Variants in MLIP observed in about 807,000 individuals in gnomAD.
MLIP encodes muscular LMNA interacting protein.
MLIP carries 79 observed loss-of-function variants against 84.8 expected under a neutral mutation model. That is an observed-to-expected ratio of 0.93 (90% CI 0.78 to 1.12). The LOEUF is 1.12. Ranked by LOEUF, MLIP falls within the 50% of genes most tolerant of loss-of-function variation. The pLI, the probability that MLIP is intolerant of heterozygous loss-of-function variation, is 0.00. For synonymous variants in MLIP, 504 were observed against 463.0 expected (o/e 1.09, Z -1.14); for missense variants, 1,257 against 1,160.6 (o/e 1.08, Z -1.21).
intron 11 of MLIP, chr6:54,217,058 C>T: frequency 1.0e-6 from 1 of 985,386 alleles, no homozygotes; most frequent in Non-Finnish European, 1.2e-6. Context: ...AAAATAAATG[C>T]TGCATTTAAA....
intron 1 of MLIP, among the ~76,000 whole-genome samples, chr6:54,097,336 T>A (rs1234523176): frequency 2.0e-5 from 3 of 152,232 alleles, no homozygotes; most frequent in Non-Finnish European, 4.4e-5. Context: ...GAGGATGAGA[T>A]AAAGAAGGGC....
chr6:54,251,856 TATAA>T (rs1282923309), intron 12 of MLIP, among the ~76,000 whole-genome samples: 3 of 79,078 alleles, frequency 3.8e-5, no homozygotes, highest in African/African-American at 2.0e-4. Flanking sequence ...TAATATATAA[TATAA>T]ATATATATTA....
chr6:54,253,525 A>C (rs925398692), intron 12 of MLIP, among the ~76,000 whole-genome samples: 9 of 152,178 alleles, frequency 5.9e-5, no homozygotes, highest in Non-Finnish European at 1.0e-4. Context: ...TGTTTCACAA[A>C]AGCTAAAGCT....
intron 5 of MLIP, among the ~76,000 whole-genome samples, chr6:54,153,809 G>A (rs567381894): frequency 5.8e-4 from 81 of 138,550 alleles, no homozygotes; most frequent in African/African-American, 2.0e-3. Flanking sequence ...CCGAGATCGC[G>A]CCACTGCACT....
intron 11 of MLIP, among the ~76,000 whole-genome samples, chr6:54,209,977 C>T (rs1779311231): frequency 6.6e-6 from 1 of 151,238 alleles, no homozygotes; most frequent in East Asian, 1.9e-4. Flanking sequence ...TGTGTGAAAG[C>T]CTTTTTCTTC....
chr6:54,052,601 T>G (rs1220619939), intron 1 of MLIP, among the ~76,000 whole-genome samples: 1 of 152,186 alleles, frequency 6.6e-6, no homozygotes, highest in African/African-American at 2.4e-5. Flanking sequence ...TCACAATTGT[T>G]TATATAGTGT....
intron 1 of MLIP, chr6:54,032,240 A>G (rs1191798826): frequency 6.6e-6 from 1 of 152,212 alleles, no homozygotes; most frequent in African/African-American, 2.4e-5. Context: ...TTTAGTATCT[A>G]TTAGATATTT....
chr6:54,219,098 C>T (rs1244969003), intron 11 of MLIP, among the ~76,000 whole-genome samples: 5 of 151,360 alleles, frequency 3.3e-5, no homozygotes, highest in South Asian at 4.2e-4. Context: ...CCCAGCTACT[C>T]GGGAGGCTGA....
chr6:54,202,432 T>A (rs1179528139), intron 11 of MLIP, among the ~76,000 whole-genome samples, 199 bp downstream of exon 11: 1 of 151,100 alleles, frequency 6.6e-6, no homozygotes, highest in Non-Finnish European at 1.5e-5. Flanking sequence ...AGTTGCTAAA[T>A]AATTCAAGAA....
rs533617523 is a variant in MLIP at position 54,089,617 on chromosome 6, G to A, written c.64-31830G>A. ...TACCTGACCCTTTGAGCCTTTCAGC[G>A]ACAAGAATCAGAATCCATCTCAAAA... On this transcript the variant is annotated intron_variant, in intron 1 of 12. Transcript: ENST00000274897. 1.6e-4 allele frequency among the ~76,000 whole-genome samples: 25 copies of A among 152,110 alleles called. 1 individual carries two copies. The East Asian group carries it at 4.8e-3, about 29-fold the overall frequency.
intron 11 of MLIP, among the ~76,000 whole-genome samples, chr6:54,213,963 T>C (rs1308929867): frequency 6.6e-6 from 1 of 152,114 alleles, no homozygotes; most frequent in African/African-American, 2.4e-5. Context: ...CTGACTGCCA[T>C]AGAAATCAAG....
At chr6:54,232,721 T>G (rs1562088012) in intron 12 of MLIP, among the ~76,000 whole-genome samples, 1 of 152,248 alleles carries the variant, frequency 6.6e-6, no homozygotes, top group African/African-American at 2.4e-5. Context: ...TTAATGCCTT[T>G]AATTGCAAGA....
chr6:54,170,190 T>C lies in MLIP; in HGVS notation c.2544+618T>C, dbSNP rs532686956. On this transcript the variant is annotated intron_variant, in intron 9 of 13. Coordinates refer to ENST00000502396, the MANE Select transcript of MLIP (RefSeq NM_001281747.2). ...TATTTTCCATCATGTGGTCAACTTC[T>C]GCTTCTGACCAAACGTATTCTAGTA... Among the ~76,000 whole-genome samples, 4 of 151,896 alleles carry C rather than the reference T, an allele frequency of 2.6e-5. No homozygotes were observed. The East Asian group carries it at 5.8e-4, about 22-fold the overall frequency.
chr6:54,099,385 T>G (rs996782781), intron 1 of MLIP, among the ~76,000 whole-genome samples: 1 of 152,038 alleles, frequency 6.6e-6, no homozygotes, highest in Non-Finnish European at 1.5e-5. Flanking sequence ...ATGATTTTTT[T>G]TGTGTATCAA....
chr6:54,159,516 T>G (rs980155242), intron 5 of MLIP, among the ~76,000 whole-genome samples: 2 of 151,912 alleles, frequency 1.3e-5, no homozygotes, highest in Admixed American at 1.3e-4. Flanking sequence ...TGCAGTAGAG[T>G]CAACGCTTGC....
chr6:54,080,414 G>A (rs1039427905), intron 1 of MLIP, among the ~76,000 whole-genome samples: 5 of 151,834 alleles, frequency 3.3e-5, no homozygotes, highest in Non-Finnish European at 7.4e-5. Flanking sequence ...CAGAAAATGA[G>A]GTTGACAACT....
At chr6:54,230,456 G>C (rs1339913457) in intron 11 of MLIP, among the ~76,000 whole-genome samples, 1 of 152,026 alleles carries the variant, frequency 6.6e-6, no homozygotes, top group Non-Finnish European at 1.5e-5. Context: ...AAATAAACCT[G>C]GTACCCTTCA....
chr6:54,036,901 G>C (rs1196558491), intron 1 of MLIP, among the ~76,000 whole-genome samples: 5 of 152,046 alleles, frequency 3.3e-5, no homozygotes, highest in Non-Finnish European at 1.5e-5. Context: ...TAACTACCAA[G>C]TGGAAGTTAA....
At position 54,138,177 on chromosome 6, in the gene MLIP, G is replaced by C. The variant is rs773010470; in HGVS notation, c.2108G>C (p.Arg703Thr). Residue 703 changes from arginine to threonine, a missense_variant, in exon 4 of 14, where the codon AGG (arginine) becomes ACG (threonine). Arg to Thr is a moderately conservative substitution (Grantham distance 71). Coordinates refer to ENST00000502396, the MANE Select transcript of MLIP (RefSeq NM_001281747.2). ...GKSESTTPNH[R>T]SPVSTPSLPI... is the part of the protein sequence containing the mutation. ...TCTGAAAGCACCACCCCCAACCACA[G>C]GTCACCTGTTTCAACCCCATCACTT... 1.8e-5 allele frequency: 28 copies of C among 1,535,948 alleles called. No individual in the cohort carries two copies. The highest frequency in any genetic ancestry group is 2.3e-5 in the Non-Finnish European group (26 of 1,146,892).
Sources: gnomAD v4.1 joint callset for allele counts (sites outside exome capture counted in the v4.1 genomes callset) on GRCh38, gnomAD v4.1.1 for gene constraint, MANE v1.5 for transcripts, NCBI Gene and HGNC (gene_info 2026-07-23, HGNC 2026-07-21) for gene names.